Variants in CTNNA1 observed in about 807,000 individuals in gnomAD.
The protein encoded by CTNNA1 is catenin alpha-1.
In CTNNA1, 37 loss-of-function variants were observed where a neutral mutation model predicts 98.4. That is an observed-to-expected ratio of 0.38 (90% confidence interval 0.29 to 0.49). The LOEUF (loss-of-function observed/expected upper bound fraction) is 0.49, where lower values mean the gene tolerates loss of function less well. CTNNA1 is among the 20% of genes least tolerant of loss of function. CTNNA1 has a pLI of 0.95. For missense variants in CTNNA1, 761 were observed against 1,147.2 expected (o/e 0.66, Z 4.86); for synonymous variants, 404 against 413.2 (o/e 0.98, Z 0.27).
intron 7 of CTNNA1, among the ~76,000 whole-genome samples, chr5:138,838,920 C>T (rs540435079): frequency 9.9e-5 from 15 of 151,980 alleles, no homozygotes; most frequent in Admixed American, 2.6e-4. Context: ...CGTGAGCTAC[C>T]GTGCCCGGCC....
intron 7 of CTNNA1, among the ~76,000 whole-genome samples, chr5:138,862,534 A>G (rs1044953016): frequency 2.6e-5 from 4 of 152,238 alleles, no homozygotes; most frequent in Non-Finnish European, 5.9e-5. Context: ...CAAGGAAAAG[A>G]CATCACTTGA....
intron 7 of CTNNA1, among the ~76,000 whole-genome samples, chr5:138,840,106 C>T (rs1007180469): frequency 4.6e-5 from 7 of 152,090 alleles, no homozygotes; most frequent in African/African-American, 1.4e-4. Flanking sequence ...CAAGTAAAAC[C>T]GTGAAGATGG....
chr5:138,783,150 G>A, intron 2 of CTNNA1, 27 bp from the exon 3 acceptor site: 1 of 1,540,842 alleles, frequency 6.5e-7, no homozygotes, highest in South Asian at 1.2e-5. Flanking sequence ...ATTGACTCCA[G>A]TTTAATGTTA....
At chr5:138,916,297 A>G (rs1761747333) in intron 10 of CTNNA1, among the ~76,000 whole-genome samples, 1 of 152,106 alleles carries the variant, frequency 6.6e-6, no homozygotes, top group Non-Finnish European at 1.5e-5. Context: ...TGAATGTTGA[A>G]CAACTGCAAA....
intron 7 of CTNNA1, chr5:138,872,978 T>TA (rs1554093391): frequency 1.3e-6 from 2 of 1,481,916 alleles, no homozygotes; most frequent in Non-Finnish European, 1.8e-6. Context: ...ATAGGTTACT[T>TA]ATCTGATGTG....
intron 11 of CTNNA1, 79 bp downstream of exon 11, chr5:138,917,977 C>T (rs911628872): frequency 3.6e-6 from 5 of 1,374,830 alleles, no homozygotes; most frequent in Non-Finnish European, 5.1e-6. Flanking sequence ...TGGGCAAACA[C>T]TGCTATGTCT....
chr5:138,906,546 A>C (rs529389608), intron 10 of CTNNA1, among the ~76,000 whole-genome samples: 5 of 152,164 alleles, frequency 3.3e-5, no homozygotes, highest in Admixed American at 3.3e-4. Flanking sequence ...TGATCTTAAA[A>C]CCCAGGAAAA....
At chr5:138,901,798 G>T (rs1324976329) in intron 9 of CTNNA1, among the ~76,000 whole-genome samples, 5 of 152,184 alleles carry the variant, frequency 3.3e-5, no homozygotes, top group Admixed American at 2.6e-4. Context: ...ACAGAAAGAG[G>T]CATTTAGGAA....
At chr5:138,881,264 G>T in intron 7 of CTNNA1, 1 of 364,114 alleles carries the variant, frequency 2.7e-6, no homozygotes, top group Non-Finnish European at 5.5e-6. Context: ...TGGGAATACA[G>T]GACTATATAA....
At chr5:138,834,419 A>G (rs957932572) in intron 7 of CTNNA1, among the ~76,000 whole-genome samples, 1 of 152,152 alleles carries the variant, frequency 6.6e-6, no homozygotes. Context: ...ATGATTGTCC[A>G]TACTTTTACA....
chr5:138,934,133 A>ATCAG lies in CTNNA1; in HGVS notation c.*48_*51dup. ...CCCCCACCCCTCGGGGCTCCTGAAT[A>ATCAG]TCAGTCACTGTTCGTCACTCAAATG... On this transcript the variant is annotated 3_prime_UTR_variant, in exon 18 of 18. Coordinates refer to ENST00000302763, the MANE Select transcript of CTNNA1 (RefSeq NM_001903.5). 2 of 1,459,166 alleles carry ATCAG rather than the reference A, an allele frequency of 1.4e-6. No homozygotes were observed. The highest frequency in any genetic ancestry group is 1.2e-5 in the South Asian group (1 of 84,754). The allele number at this position is 1,459,166 out of a possible 1,614,324, so 90.4% of individuals were successfully genotyped here.
chr5:138,814,527 A>AT (rs1759208863), intron 5 of CTNNA1, among the ~76,000 whole-genome samples: 1 of 152,210 alleles, frequency 6.6e-6, no homozygotes. Context: ...GCCAAATTAC[A>AT]TTCACAATTT....
rs548392885 is a variant in CTNNA1 at position 138,824,644 on chromosome 5, G to T, written c.703G>T (p.Ala235Ser). ...GGCATGCCTACAGCACCCTGATGTCGCAGCCTATAAGGCCAACAGGGACCT... is the reference window on the plus strand; with the variant it reads ...GGCATGCCTACAGCACCCTGATGTCTCAGCCTATAAGGCCAACAGGGACCT... Reference protein sequence around the residue: ...SQACLQHPDVAAYKANRDLIY... With the variant: ...SQACLQHPDVSAYKANRDLIY... Residue 235 changes from alanine (A) to serine (S), a missense_variant, in exon 6 of 18, where the codon GCA becomes TCA. Physicochemically the swap from Ala to Ser is moderately conservative, Grantham distance 99. Transcript: ENST00000302763. 4 of 1,614,144 alleles carry T rather than the reference G, an allele frequency of 2.5e-6. No individual in the cohort carries two copies. The highest frequency in any genetic ancestry group is 1.7e-5 in the Admixed American group (1 of 60,012).
At position 138,760,669 on chromosome 5, in the gene CTNNA1, C is replaced by T. The variant is rs1212094025; in HGVS notation, c.-3+7159C>T. 2.6e-5 allele frequency among the ~76,000 whole-genome samples: 4 copies of T among 152,140 alleles called. No homozygotes were observed. In the East Asian group the frequency reaches 7.7e-4, roughly 29 times the overall value. ...GCGTGAGCCACCACGTCTGACCTAT[C>T]CATTCATATGTTGATGGACGTTTGG... On this transcript the variant is annotated intron_variant, in intron 1 of 17. Coordinates refer to ENST00000302763, the MANE Select transcript of CTNNA1 (RefSeq NM_001903.5).
intron 7 of CTNNA1, among the ~76,000 whole-genome samples, chr5:138,836,865 G>A (rs1320484296): frequency 1.3e-5 from 2 of 152,166 alleles, no homozygotes; most frequent in East Asian, 3.8e-4. Context: ...AGCTGGTGGG[G>A]CGATGGGCAC....
intron 7 of CTNNA1, among the ~76,000 whole-genome samples, chr5:138,856,432 C>T (rs969038729): frequency 6.6e-6 from 1 of 152,108 alleles, no homozygotes; most frequent in African/African-American, 2.4e-5. Flanking sequence ...AAGTTTTAAA[C>T]TCCCAGGCTC....
At position 138,930,616 on chromosome 5, in the gene CTNNA1, G is replaced by A. The variant is rs369024633; in HGVS notation, c.2154G>A (p.Gln718=). The part of the protein sequence containing the change: ...SGNDIIVLAK[Q]MCMIMMEMTD... The stretch of plus-strand genomic sequence containing the variant: ...ATGACATCATTGTGCTGGCCAAGCA[G>A]ATGTGCATGATTATGATGGAGATGA... The change falls in exon 15 of 18, where the codon CAG becomes CAA. Residue 718 remains glutamine, a synonymous_variant. Transcript: ENST00000302763. The A allele has an allele frequency of 6.1e-5, 99 of 1,613,676 alleles. No homozygotes were observed. Among genetic ancestry groups the A allele is most frequent in the Admixed American group, 5.0e-5 (3 of 59,974 alleles).
intron 7 of CTNNA1, among the ~76,000 whole-genome samples, chr5:138,858,148 A>G (rs1373221175): frequency 6.7e-6 from 1 of 149,118 alleles, no homozygotes; most frequent in East Asian, 2.0e-4. Context: ...TTTTTTTGAG[A>G]CAGGTTCTTG....
chr5:138,831,109 A>T (rs1761238389), intron 7 of CTNNA1, among the ~76,000 whole-genome samples: 1 of 152,180 alleles, frequency 6.6e-6, no homozygotes, highest in African/African-American at 2.4e-5. Flanking sequence ...CATAATATTC[A>T]CTTTTTCTGT....
Sources: gnomAD v4.1 joint callset for allele counts (sites outside exome capture counted in the v4.1 genomes callset) on GRCh38, gnomAD v4.1.1 for gene constraint, MANE v1.5 for transcripts, NCBI Gene and HGNC (gene_info 2026-07-23, HGNC 2026-07-21) for gene names.